ALK: variants seen among roughly 807,000 people sequenced by gnomAD.
The protein encoded by ALK is ALK receptor tyrosine kinase.
ALK carries 74 observed loss-of-function variants against 163.1 expected under a neutral mutation model. That is an observed-to-expected ratio of 0.45 (90% CI 0.38 to 0.55). The LOEUF (loss-of-function observed/expected upper bound fraction) is 0.55, where lower values mean the gene tolerates loss of function less well. ALK is among the 20% of genes least tolerant of loss of function. The pLI is 0.00. For missense variants in ALK, 2,063 were observed against 2,105.3 expected (o/e 0.98, Z 0.39); for synonymous variants, 960 against 843.2 (o/e 1.14, Z -2.40).
At chr2:29,483,945 C>G (rs1573392214) in intron 4 of ALK, among the ~76,000 whole-genome samples, 1 of 152,130 alleles carries the variant, frequency 6.6e-6, no homozygotes, top group South Asian at 2.1e-4. Flanking sequence ...GCTGGGGAGG[C>G]CTCACAATCA....
At chr2:29,217,630 C>G (rs1253112096) in intron 23 of ALK, among the ~76,000 whole-genome samples, 1 of 152,166 alleles carries the variant, frequency 6.6e-6, no homozygotes, top group Non-Finnish European at 1.5e-5. Flanking sequence ...TTTATCCCAT[C>G]TCAAAGGGTC....
chr2:29,608,165 G>A (rs181241736), intron 3 of ALK, among the ~76,000 whole-genome samples: 73 of 152,176 alleles, frequency 4.8e-4, no homozygotes, highest in Middle Eastern at 3.4e-3. Context: ...AAGAACACCC[G>A]CATGCCACAC....
At chr2:29,731,703 T>C (rs932541935) in intron 1 of ALK, among the ~76,000 whole-genome samples, 4 of 152,176 alleles carry the variant, frequency 2.6e-5, no homozygotes, top group Non-Finnish European at 5.9e-5. Context: ...TCCTGTAATA[T>C]CTCCAAATGT....
At chr2:29,725,742 C>A (rs1221147327) in intron 1 of ALK, among the ~76,000 whole-genome samples, 1 of 151,978 alleles carries the variant, frequency 6.6e-6, no homozygotes, top group Non-Finnish European at 1.5e-5. Context: ...GGGGCAGGGG[C>A]AGATCAAGAC....
chr2:29,539,612 G>GTACTATAACTTT lies in ALK; in HGVS notation c.953-7497_953-7496insAAAGTTATAGTA, dbSNP rs74277527. Among the ~76,000 whole-genome samples, 70 of 151,914 alleles carry GTACTATAACTTT rather than the reference G, an allele frequency of 4.6e-4. No individual in the cohort carries two copies. The East Asian group carries it at 0.012, about 25-fold the overall frequency. On this transcript the variant is annotated intron_variant, in intron 3 of 28. Coordinates refer to ENST00000389048, the MANE Select transcript of ALK (RefSeq NM_004304.5). ...CTCTGACAGGTTCTCTTGAGCACAGGGTAGATCATATCATTCGACTAGGTA... is the reference window on the plus strand; with the variant it reads ...CTCTGACAGGTTCTCTTGAGCACAGGTACTATAACTTTGTAGATCATATCATTCGACTAGGTA...
At chr2:29,332,402 A>C (rs1287129036) in intron 5 of ALK, among the ~76,000 whole-genome samples, 1 of 147,944 alleles carries the variant, frequency 6.8e-6, no homozygotes, top group Non-Finnish European at 1.5e-5. Flanking sequence ...CCCAATGGGC[A>C]TGGGTGTTTC....
chr2:29,344,370 T>G (rs750275076), intron 5 of ALK, among the ~76,000 whole-genome samples: 1 of 152,150 alleles, frequency 6.6e-6, no homozygotes, highest in African/African-American at 2.4e-5. Flanking sequence ...ACATAACTTT[T>G]GAGGCTAGAT....
chr2:29,485,753 C>T (rs13383564), intron 4 of ALK, among the ~76,000 whole-genome samples: 63,129 of 152,020 alleles, frequency 0.42, 13,782 homozygotes, highest in Non-Finnish European at 0.48. Flanking sequence ...GTTTGGTCCT[C>T]CCTCAAGGTC....
At chr2:29,312,533 G>T (rs909578866) in intron 8 of ALK, among the ~76,000 whole-genome samples, 1 of 152,182 alleles carries the variant, frequency 6.6e-6, no homozygotes, top group East Asian at 1.9e-4. Context: ...TGGCGTGGCT[G>T]TTGGGCTGTG....
chr2:29,780,992 C>G (rs1681317204), intron 1 of ALK, among the ~76,000 whole-genome samples: 1 of 152,180 alleles, frequency 6.6e-6, no homozygotes, highest in African/African-American at 2.4e-5. Context: ...AAAGAACTAC[C>G]CTGGGCTTCA....
intron 3 of ALK, among the ~76,000 whole-genome samples, chr2:29,687,674 G>A (rs2245914): frequency 0.82 from 125,266 of 152,018 alleles, 51,733 homozygotes; most frequent in South Asian, 0.86. Flanking sequence ...TTCTGCTACT[G>A]TGTTGGTATA....
At chr2:29,321,123 CT>C in intron 6 of ALK, among the ~76,000 whole-genome samples, 1 of 152,206 alleles carries the variant, frequency 6.6e-6, no homozygotes. Context: ...AAAAATAACT[CT>C]TCAGCATGGG....
At chr2:29,368,658 G>C (rs1221218672) in intron 5 of ALK, among the ~76,000 whole-genome samples, 1 of 152,148 alleles carries the variant, frequency 6.6e-6, no homozygotes, top group Non-Finnish European at 1.5e-5. Flanking sequence ...GAACTTCCAG[G>C]TTGGGCACAA....
intron 3 of ALK, among the ~76,000 whole-genome samples, chr2:29,668,340 G>A (rs904563518): frequency 6.6e-6 from 1 of 151,378 alleles, no homozygotes. Context: ...TTTCCTTGGG[G>A]TTCATTAGTC....
intron 15 of ALK, among the ~76,000 whole-genome samples, chr2:29,231,217 A>T (rs572367713): frequency 6.6e-6 from 1 of 152,308 alleles, no homozygotes; most frequent in African/African-American, 2.4e-5. Context: ...GTGTGCCTGT[A>T]ATCCCAGCTA....
chr2:29,882,248 A>G (rs903326482), intron 1 of ALK, among the ~76,000 whole-genome samples: 2 of 152,232 alleles, frequency 1.3e-5, no homozygotes, highest in African/African-American at 2.4e-5. Flanking sequence ...TAAAATCAAG[A>G]GAATAAAGCC....
At chr2:29,291,090 C>T (rs1666009899) in intron 9 of ALK, among the ~76,000 whole-genome samples, 4 of 152,126 alleles carry the variant, frequency 2.6e-5, no homozygotes, top group Non-Finnish European at 4.4e-5. Flanking sequence ...TGACCAGGTG[C>T]GATGGCTCCT....
intron 12 of ALK, 130 bp downstream of exon 12, chr2:29,250,975 A>G (rs2148196929): frequency 2.3e-6 from 2 of 865,206 alleles, no homozygotes; most frequent in Non-Finnish European, 3.5e-6. Flanking sequence ...TATACCCCCT[A>G]TGGGCCTGAG....
chr2:29,209,542 C>CAAA (rs76343130), intron 25 of ALK, among the ~76,000 whole-genome samples: 11 of 80,136 alleles, frequency 1.4e-4, no homozygotes, highest in South Asian at 4.4e-4. Flanking sequence ...AACTCCGTCT[C>CAAA]AAAAAAAAAA....
Sources: gnomAD v4.1 joint callset for allele counts (sites outside exome capture counted in the v4.1 genomes callset) on GRCh38, gnomAD v4.1.1 for gene constraint, MANE v1.5 for transcripts, NCBI Gene and HGNC (gene_info 2026-07-23, HGNC 2026-07-21) for gene names.